The following ATP2C2 variants were observed in gnomAD, a reference collection of about 807,000 sequenced individuals.
The protein encoded by ATP2C2 is ATPase secretory pathway Ca2+ transporting 2.
A neutral mutation model predicts 110.8 loss-of-function variants in ATP2C2; 171 were observed. That is an observed-to-expected ratio of 1.54 (90% confidence interval 1.36 to 1.75). The LOEUF is 1.75. Among genes scored for constraint, ATP2C2 ranks in the 40% most tolerant of loss-of-function variants. The pLI is 0.00. For missense variants in ATP2C2, 1,963 were observed against 1,235.0 expected (o/e 1.59, Z -8.84); for synonymous variants, 804 against 508.4 (o/e 1.58, Z -7.82).
At chr16:84,411,948 C>CT (rs1906342906) in intron 6 of ATP2C2, among the ~76,000 whole-genome samples, 1 of 150,570 alleles carries the variant, frequency 6.6e-6, no homozygotes, top group South Asian at 2.1e-4. Context: ...CTTTTCTTTT[C>CT]TTTCTTTTCT....
chr16:84,422,316 A>T, intron 7 of ATP2C2, 74 bp from the exon 8 acceptor site: 2 of 1,512,750 alleles, frequency 1.3e-6, no homozygotes, highest in Non-Finnish European at 1.8e-6. Flanking sequence ...AGGTGCTGGT[A>T]CCATTTTGTG....
chr16:84,376,039 C>T (rs997126216), intron 1 of ATP2C2, among the ~76,000 whole-genome samples: 2 of 151,686 alleles, frequency 1.3e-5, no homozygotes, highest in South Asian at 2.1e-4. Flanking sequence ...CCAGGGGTGG[C>T]GGTGTATGAG....
chr16:84,385,950 T>C (rs1193212527), intron 1 of ATP2C2, among the ~76,000 whole-genome samples: 1 of 152,260 alleles, frequency 6.6e-6, no homozygotes, highest in Non-Finnish European at 1.5e-5. Flanking sequence ...AAATATGCTA[T>C]GATTTGTTAC....
At position 84,382,811 on chromosome 16, in the gene ATP2C2, G is replaced by A. The variant is rs566009269; in HGVS notation, c.99+14097G>A. 6.0e-5 allele frequency among the ~76,000 whole-genome samples: 9 copies of A among 151,026 alleles called. No homozygotes were observed. The South Asian group carries it at 8.3e-4, about 14-fold the overall frequency. ...CTTGGGAGGCTCAGGCACCAGAATC[G>A]CTTGAACCCAGGAGGCGGAGGTTGC... On this transcript the variant is annotated intron_variant, in intron 1 of 26. Coordinates refer to ENST00000262429, the MANE Select transcript of ATP2C2 (RefSeq NM_014861.4).
rs993812055 is a variant in ATP2C2 at position 84,391,894 on chromosome 16, C to T, written c.100-6605C>T. 7.2e-5 allele frequency among the ~76,000 whole-genome samples: 11 copies of T among 152,014 alleles called. 1 individual carries two copies. Among genetic ancestry groups the T allele is most frequent in the Admixed American group, 5.9e-4 (9 of 15,270 alleles). ...ATGTGACTCCCGTTCCCTCCCCTCC[C>T]TTCATCTTTCCTTCCTTCCTCTTTT... On this transcript the variant is annotated intron_variant, in intron 1 of 26. Transcript: ENST00000262429.
Position 84,463,955 on chromosome 16 carries a change from T to C in ATP2C2, c.*223T>C. On this transcript the variant is annotated 3_prime_UTR_variant, in exon 27 of 27. Transcript: ENST00000262429. ...GCTGTGGGACAGACAGGGAGGGGCC[T>C]GTACAGAAACACCACACTGTTTATT... 1.9e-6 allele frequency: 1 copy of C among 530,510 alleles called. No homozygotes were observed. 32.9% of individuals were successfully genotyped at this position (530,510 alleles called of 1,614,324 possible).
In ATP2C2 at chr16:84,459,159, C is replaced by A. The variant is rs764957092; in HGVS notation, c.2187C>A (p.Ile729=). 4.3e-6 allele frequency: 7 copies of A among 1,614,182 alleles called. No homozygotes were observed. Among genetic ancestry groups the A allele is most frequent in the Non-Finnish European group, 5.9e-6 (7 of 1,180,034 alleles). The change falls in exon 22 of 27, where the codon ATC becomes ATA. Residue 729 remains isoleucine (I), a synonymous_variant. Coordinates refer to ENST00000262429, the MANE Select transcript of ATP2C2 (RefSeq NM_014861.4). ...VEEGKGIFYN[I]KNFVRFQLST... is the part of the protein sequence containing the mutation. Reference sequence around the variant, plus strand: ...AAGGCAAGGGTATTTTTTACAACATCAAAAACTTTGTCCGATTCCAGCTGA... The same window carrying A: ...AAGGCAAGGGTATTTTTTACAACATAAAAAACTTTGTCCGATTCCAGCTGA...
intron 11 of ATP2C2, among the ~76,000 whole-genome samples, chr16:84,434,549 T>G (rs904258346): frequency 4.6e-5 from 7 of 151,570 alleles, no homozygotes; most frequent in Non-Finnish European, 2.9e-5. Context: ...ATGGAGTCTC[T>G]CTCTGTCACC....
intron 26 of ATP2C2, 68 bp from the exon 27 acceptor site, chr16:84,463,546 A>C (rs1911609264): frequency 3.8e-6 from 5 of 1,309,210 alleles, no homozygotes; most frequent in Non-Finnish European, 5.5e-6. Flanking sequence ...CTGGCAGGGA[A>C]GGCGCTTCCT....
At chr16:84,383,835 G>A (rs990230956) in intron 1 of ATP2C2, among the ~76,000 whole-genome samples, 12 of 127,006 alleles carry the variant, frequency 9.4e-5, no homozygotes, top group East Asian at 2.6e-4. Context: ...CTTTTCACCC[G>A]GCTGAGAGCA....
At chr16:84,394,369 T>C (rs984311533) in intron 1 of ATP2C2, among the ~76,000 whole-genome samples, 2 of 152,086 alleles carry the variant, frequency 1.3e-5, no homozygotes, top group Middle Eastern at 3.4e-3. Context: ...CATTCCCCCT[T>C]CCCCAGTCCC....
At chr16:84,426,818 T>C (rs774249836) in intron 11 of ATP2C2, among the ~76,000 whole-genome samples, 3 of 152,174 alleles carry the variant, frequency 2.0e-5, no homozygotes, top group Non-Finnish European at 2.9e-5. Context: ...CTGGGAGTCA[T>C]CATCACTTGA....
At chr16:84,395,985 C>G (rs1354764320) in intron 1 of ATP2C2, among the ~76,000 whole-genome samples, 2 of 152,148 alleles carry the variant, frequency 1.3e-5, no homozygotes, top group East Asian at 1.9e-4. Flanking sequence ...CACTAACTCC[C>G]CAGCCCGGTT....
rs1440723163 is a variant in ATP2C2, at chr16:84,459,142, G to T, written c.2170G>T (p.Gly724Cys). 2 of 1,614,150 alleles carry T rather than the reference G, an allele frequency of 1.2e-6. No individual in the cohort carries two copies. Among genetic ancestry groups the T allele is most frequent in the Non-Finnish European group, 1.7e-6 (2 of 1,180,038 alleles). The change falls in exon 22 of 27, where the codon GGT (glycine) becomes TGT (cysteine). Residue 724 changes from glycine (G) to cysteine (C), a missense_variant. By Grantham distance (159) the Gly-to-Cys change is radical (BLOSUM62 -3). Transcript: ENST00000262429. ...AIMNAVEEGK[G>C]IFYNIKNFVR... Reference sequence around the variant, plus strand: ...CAGGAATGCAGTGGAGGAAGGCAAGGGTATTTTTTACAACATCAAAAACTT... The same window carrying T: ...CAGGAATGCAGTGGAGGAAGGCAAGTGTATTTTTTACAACATCAAAAACTT...
chr16:84,459,278 C>T lies in ATP2C2; in HGVS notation c.2225C>T (p.Ser742Phe), dbSNP rs757446118. Residue 742 changes from serine (S) to phenylalanine (F), a missense_variant, in exon 23 of 27, where the codon TCC becomes TTC. Transcript: ENST00000262429. Reference protein sequence around the residue: ...FVRFQLSTSISALSLITLSTV... With the variant: ...FVRFQLSTSIFALSLITLSTV... ...CTGCGTGTGCCCCGCAGGAGCATCT[C>T]CGCCCTGAGTCTCATCACTCTGTCC... 2 of 1,614,120 alleles carry T rather than the reference C, an allele frequency of 1.2e-6. No homozygotes were observed. The highest frequency in any genetic ancestry group is 1.7e-5 in the Admixed American group (1 of 60,012).
rs1174256437 is a variant in ATP2C2, at chr16:84,393,408, C to T, written c.100-5091C>T. ...CAGGGACTCTGTTTCCTGACTGTCACGAGACTGGACTGAGGCAGAGCAAGC... is the reference window on the plus strand; with the variant it reads ...CAGGGACTCTGTTTCCTGACTGTCATGAGACTGGACTGAGGCAGAGCAAGC... On this transcript the variant is annotated intron_variant, in intron 1 of 26. Transcript: ENST00000262429. Among the ~76,000 whole-genome samples, 5 of 152,114 alleles carry T rather than the reference C, an allele frequency of 3.3e-5. No individual in the cohort carries two copies. The South Asian group carries it at 1.0e-3, about 32-fold the overall frequency.
At position 84,422,471 on chromosome 16, in the gene ATP2C2, G is replaced by A. The variant is rs372267356; in HGVS notation, c.706G>A (p.Gly236Ser). 29 of 1,614,104 alleles carry A rather than the reference G, an allele frequency of 1.8e-5. No individual in the cohort carries two copies. The highest frequency in any genetic ancestry group is 1.3e-4 in the African/African-American group (10 of 75,016). The change falls in exon 8 of 27, where the codon GGT (glycine) becomes AGT (serine). Residue 236 changes from glycine (G) to serine (S), a missense_variant. Transcript: ENST00000262429. ...CSKTDSPLTG[G>S]GDLTTLSNIV... ...TAAAACAGACAGCCCCTTGACAGGCGGTGGGGACCTCACCACCCTCAGCAA... is the reference window on the plus strand; with the variant it reads ...TAAAACAGACAGCCCCTTGACAGGCAGTGGGGACCTCACCACCCTCAGCAA...
chr16:84,444,180 A>C lies in ATP2C2; in HGVS notation c.1401+1581A>C, dbSNP rs543568114. Among the ~76,000 whole-genome samples, 265 of 148,406 alleles carry C rather than the reference A, an allele frequency of 1.8e-3. 3 individuals are homozygous for C. Among genetic ancestry groups the C allele is most frequent in the South Asian group, 0.016 (78 of 4,728 alleles). On this transcript the variant is annotated intron_variant, in intron 15 of 26. Transcript: ENST00000262429. Reference sequence around the variant, plus strand: ...CCTGCCTCAAAAAAAAAAAAAAAAAAAAAACAAAAAGATTGGGCACAGTGG... The same window carrying C: ...CCTGCCTCAAAAAAAAAAAAAAAAACAAAACAAAAAGATTGGGCACAGTGG...
intron 14 of ATP2C2, among the ~76,000 whole-genome samples, chr16:84,441,823 G>C (rs1220639102): frequency 6.6e-6 from 1 of 152,164 alleles, no homozygotes; most frequent in African/African-American, 2.4e-5. Flanking sequence ...TCAGGAGCCT[G>C]AGACAGGAGA....
Sources: allele counts gnomAD v4.1 joint callset (sites outside exome capture counted in the v4.1 genomes callset), GRCh38; gene constraint gnomAD v4.1.1; transcripts MANE v1.5; gene names NCBI Gene and HGNC (gene_info 2026-07-23, HGNC 2026-07-21).